AGAP1: variants seen among roughly 807,000 people sequenced by gnomAD.
AGAP1 encodes the protein ArfGAP with GTPase domain, ankyrin repeat and PH domain 1.
Under a neutral mutation model 105.3 loss-of-function variants are expected in AGAP1, and 29 were observed. The ratio of observed to expected loss-of-function variants is 0.28; its 90% CI spans 0.21 to 0.38. AGAP1 has a LOEUF of 0.38. AGAP1 is among the 10% of genes least tolerant of loss of function. The probability of loss-of-function intolerance (pLI) is 1.00; values close to 1 mark genes in which losing one functional copy is unlikely to be tolerated. For missense variants in AGAP1, 998 were observed against 1,165.1 expected (o/e 0.86, Z 2.09); for synonymous variants, 509 against 485.9 (o/e 1.05, Z -0.63).
rs1258878738 is a variant in AGAP1, at chr2:235,802,669, TGTGGTGATGATGGTTGTG to T, written c.957+3166_957+3183del. Among the ~76,000 whole-genome samples the T allele has an allele frequency of 6.4e-3, 822 of 128,012 alleles. 6 individuals carry two copies. The highest frequency in any genetic ancestry group is 0.023 in the African/African-American group (771 of 33,402). The allele number at this position is 128,012 out of a possible 152,430, so 84.0% of individuals were successfully genotyped here. A position where few individuals can be genotyped will look rare whatever the true frequency, so the allele number is the denominator to read the frequency against. The stretch of plus-strand genomic sequence containing the variant: ...TTGTGGTGATGATGATGGTTGTGGT[TGTGGTGATGATGGTTGTG>T]GTGGTGATGATGGTTGTGATAATGA... On this transcript the variant is annotated intron_variant, in intron 8 of 17. Coordinates refer to ENST00000304032, the MANE Select transcript of AGAP1 (RefSeq NM_001037131.3).
intron 10 of AGAP1, among the ~76,000 whole-genome samples, chr2:235,907,470 G>A (rs2051362282): frequency 6.6e-6 from 1 of 152,108 alleles, no homozygotes; most frequent in South Asian, 2.1e-4. Context: ...ATGGAATTAT[G>A]GTCACCTGAA....
rs138708051 is a variant in AGAP1 at position 236,116,169 on chromosome 2, A to G, written c.2115-4023A>G. On this transcript the variant is annotated intron_variant, in intron 16 of 17. Transcript: ENST00000304032. ...CTCTTGTTACCCAGGCTGGAGTGCA[A>G]TGGCGCAATCTTGGCTCACTGCATC... 8.0e-3 allele frequency among the ~76,000 whole-genome samples: 1,190 copies of G among 148,936 alleles called. 16 individuals carry two copies. Among genetic ancestry groups the G allele is most frequent in the African/African-American group, 0.028 (1,125 of 40,350 alleles).
At position 235,701,062 on chromosome 2, in the gene AGAP1, GCTATAATATAGTTATATGTA is replaced by G. The variant is rs1950233442; in HGVS notation, c.164-8116_164-8097del. Among the ~76,000 whole-genome samples, 1 of 25,690 alleles carries G rather than the reference GCTATAATATAGTTATATGTA, an allele frequency of 3.9e-5. No homozygotes were observed. Among genetic ancestry groups the G allele is most frequent in the Non-Finnish European group, 1.1e-4 (1 of 9,310 alleles). 16.9% of individuals were successfully genotyped at this position (25,690 alleles called of 152,430 possible). A position where few individuals can be genotyped will look rare whatever the true frequency, so the allele number is the denominator to read the frequency against. Reference sequence around the variant, plus strand: ...ATAGTTATATGTATATATTATATATGCTATAATATAGTTATATGTATATATTATATACTCTATAATATAGT... The same window carrying G: ...ATAGTTATATGTATATATTATATATGTATATTATATACTCTATAATATAGT... On this transcript the variant is annotated intron_variant, in intron 1 of 17. Transcript: ENST00000304032. The surrounding 1 kb of genome is among the most constrained non-coding windows in gnomAD (Gnocchi z 4.1).
At chr2:236,071,081 C>T (rs1274665812) in intron 16 of AGAP1, among the ~76,000 whole-genome samples, 2 of 152,194 alleles carry the variant, frequency 1.3e-5, no homozygotes, top group Non-Finnish European at 2.9e-5. Context: ...TTAAGGAAGC[C>T]CACGGCTTTG....
chr2:235,561,257 A>G (rs968739549), intron 1 of AGAP1, among the ~76,000 whole-genome samples: 1 of 152,198 alleles, frequency 6.6e-6, no homozygotes, highest in Non-Finnish European at 1.5e-5. Context: ...TCCTTAGGGA[A>G]GAGTATCTCC....
At chr2:235,758,138 A>G (rs1954086683) in intron 6 of AGAP1, among the ~76,000 whole-genome samples, 1 of 149,580 alleles carries the variant, frequency 6.7e-6, no homozygotes, top group Non-Finnish European at 1.5e-5. Flanking sequence ...GTGTGTGTGC[A>G]TGCGTGCATG....
chr2:235,566,454 A>G lies in AGAP1; in HGVS notation c.163+71605A>G. 6.3e-6 allele frequency: 3 copies of G among 476,162 alleles called. No homozygotes were observed. Among genetic ancestry groups the G allele is most frequent in the Non-Finnish European group, 8.2e-6 (3 of 364,926 alleles). The allele number at this position is 476,162 out of a possible 1,614,324, so 29.5% of individuals were successfully genotyped here. On this transcript the variant is annotated intron_variant, in intron 1 of 17. Transcript: ENST00000304032. The surrounding 1 kb of genome is among the most constrained non-coding windows in gnomAD (Gnocchi z 5.2). ...AGCTGCTATTATTAACTCGAGATCAATATTGATTTACTGTTTTGTTTTTTT... is the reference window on the plus strand; with the variant it reads ...AGCTGCTATTATTAACTCGAGATCAGTATTGATTTACTGTTTTGTTTTTTT...
chr2:235,626,716 A>G (rs971515836), intron 1 of AGAP1, among the ~76,000 whole-genome samples: 1 of 152,236 alleles, frequency 6.6e-6, no homozygotes, highest in African/African-American at 2.4e-5. Context: ...AGTATAGTTG[A>G]AGTAAAAAGT....
Position 235,596,696 on chromosome 2 carries a change from C to T in AGAP1, c.163+101847C>T, listed in dbSNP as rs555081805. On this transcript the variant is annotated intron_variant, in intron 1 of 17. Transcript: ENST00000304032. The surrounding 1 kb of genome is among the most constrained non-coding windows in gnomAD (Gnocchi z 5.9). ...AGACTTTTAGATAGAAGAGAAACCT[C>T]GGAGGTCAATCAGCTTTCACTCTTC... is the stretch of plus-strand genomic sequence containing the variant. Among the ~76,000 whole-genome samples the T allele has an allele frequency of 2.0e-5, 3 of 152,286 alleles. No individual in the cohort carries two copies. The highest frequency in any genetic ancestry group is 2.1e-4 in the South Asian group (1 of 4,822).
At position 236,009,060 on chromosome 2, in the gene AGAP1, C is replaced by A. The variant is rs1576044380; in HGVS notation, c.1646-27501C>A. ...AAGGCCCTTTGAACTGATGTTTCAA[C>A]ATGACTCCTTCTCTGTGAGCTCTCC... On this transcript the variant is annotated intron_variant, in intron 13 of 17. Coordinates refer to ENST00000304032, the MANE Select transcript of AGAP1 (RefSeq NM_001037131.3). This position sits in a 1 kb window ranked among gnomAD's most constrained non-coding sequence, Gnocchi z 4.2. Among the ~76,000 whole-genome samples, 1 of 152,210 alleles carries A rather than the reference C, an allele frequency of 6.6e-6. No homozygotes were observed. Among genetic ancestry groups the A allele is most frequent in the Non-Finnish European group, 1.5e-5 (1 of 68,034 alleles).
In AGAP1 at chr2:235,706,665, A is replaced by C. The variant is rs935146189; in HGVS notation, c.164-2514A>C. 4.6e-5 allele frequency among the ~76,000 whole-genome samples: 7 copies of C among 152,122 alleles called. No individual in the cohort carries two copies. The East Asian group carries it at 5.8e-4, about 13-fold the overall frequency. ...GGGGAATCCCCACTGCAGTATGTTGAGCTTCAGTTACTGGTTTTACTATTC... is the reference window on the plus strand; with the variant it reads ...GGGGAATCCCCACTGCAGTATGTTGCGCTTCAGTTACTGGTTTTACTATTC... On this transcript the variant is annotated intron_variant, in intron 1 of 17. Transcript: ENST00000304032.
At chr2:235,795,021 G>T (rs575833958) in intron 6 of AGAP1, among the ~76,000 whole-genome samples, 1 of 152,272 alleles carries the variant, frequency 6.6e-6, no homozygotes, top group East Asian at 1.9e-4. Context: ...ACATTTAAAT[G>T]TTCTAAATAG....
chr2:235,574,509 G>A lies in AGAP1; in HGVS notation c.163+79660G>A, dbSNP rs1389302238. Among the ~76,000 whole-genome samples the A allele has an allele frequency of 6.6e-6, 1 of 152,182 alleles. No homozygotes were observed. Among genetic ancestry groups the A allele is most frequent in the Non-Finnish European group, 1.5e-5 (1 of 68,032 alleles). On this transcript the variant is annotated intron_variant, in intron 1 of 17. Transcript: ENST00000304032. The surrounding 1 kb of genome is among the most constrained non-coding windows in gnomAD (Gnocchi z 5.0). The stretch of plus-strand genomic sequence containing the variant: ...GTTTCTCTTTTAATAGCTGTGATCA[G>A]ATTATACCTTTAAATCTCTTTAAAC...
rs1957382392 is a variant in AGAP1 at position 235,799,243 on chromosome 2, C to G, written c.802-124C>G. On this transcript the variant is annotated intron_variant, in intron 7 of 17. Coordinates refer to ENST00000304032, the MANE Select transcript of AGAP1 (RefSeq NM_001037131.3). This position sits in a 1 kb window ranked among gnomAD's most constrained non-coding sequence, Gnocchi z 5.0. Reference sequence around the variant, plus strand: ...ACCTGGCAAAGCCATAGACGCAAGTCAGCCATTCCCATGCATCCCTTCCAT... The same window carrying G: ...ACCTGGCAAAGCCATAGACGCAAGTGAGCCATTCCCATGCATCCCTTCCAT... 3.6e-6 allele frequency: 4 copies of G among 1,103,534 alleles called. No individual in the cohort carries two copies. The highest frequency in any genetic ancestry group is 5.3e-6 in the Non-Finnish European group (4 of 760,868). The allele number at this position is 1,103,534 out of a possible 1,614,324, so 68.4% of individuals were successfully genotyped here.
intron 13 of AGAP1, among the ~76,000 whole-genome samples, chr2:236,032,970 G>T (rs1361873406): frequency 6.6e-6 from 1 of 152,216 alleles, no homozygotes; most frequent in Non-Finnish European, 1.5e-5. Context: ...GATCGGCCAG[G>T]TGCAGTGACT....
rs893285880 is a variant in AGAP1 at position 235,535,932 on chromosome 2, G to A, written c.163+41083G>A. 6.6e-6 allele frequency among the ~76,000 whole-genome samples: 1 copy of A among 151,914 alleles called. No homozygotes were observed. On this transcript the variant is annotated intron_variant, in intron 1 of 17. Coordinates refer to ENST00000304032, the MANE Select transcript of AGAP1 (RefSeq NM_001037131.3). This position sits in a 1 kb window ranked among gnomAD's most constrained non-coding sequence, Gnocchi z 5.1. ...GTGGCTTTCCTGCCCTCCTTGGCTG[G>A]TGGACGTAAGGCCCCTCGCCCCATC...
At chr2:235,771,638 C>G (rs1407673390) in intron 6 of AGAP1, among the ~76,000 whole-genome samples, 3 of 152,124 alleles carry the variant, frequency 2.0e-5, no homozygotes, top group Non-Finnish European at 4.4e-5. Context: ...GAAGCTGAAG[C>G]GAGGAGAGGC....
At chr2:236,081,370 G>A (rs1441586262) in intron 16 of AGAP1, among the ~76,000 whole-genome samples, 4 of 152,186 alleles carry the variant, frequency 2.6e-5, no homozygotes, top group African/African-American at 9.7e-5. Context: ...GCTCAGTGGA[G>A]AAAATGGCCG....
At chr2:236,052,588 G>A (rs996693450) in intron 16 of AGAP1, among the ~76,000 whole-genome samples, 1 of 152,138 alleles carries the variant, frequency 6.6e-6, no homozygotes, top group East Asian at 1.9e-4. Flanking sequence ...AGCTGACGGC[G>A]GCTGAAGCAG....
Sources: gnomAD v4.1 joint callset for allele counts (sites outside exome capture counted in the v4.1 genomes callset) on GRCh38, gnomAD v4.1.1 for gene constraint, Gnocchi (gnomAD v3.1) non-coding constraint, MANE v1.5 for transcripts, NCBI Gene and HGNC (gene_info 2026-07-23, HGNC 2026-07-21) for gene names.